The following CROCC variants were observed in gnomAD, a reference collection of about 807,000 sequenced individuals.
The protein encoded by CROCC is rootletin.
CROCC carries 180 observed loss-of-function variants against 245.2 expected under a neutral mutation model. That is an observed-to-expected ratio of 0.73 (90% confidence interval 0.65 to 0.83). The LOEUF (loss-of-function observed/expected upper bound fraction) is 0.83, where lower values mean the gene tolerates loss of function less well. CROCC is among the 40% of genes least tolerant of loss of function. The probability of loss-of-function intolerance (pLI) is 0.00; values close to 1 mark genes in which losing one functional copy is unlikely to be tolerated. For missense variants in CROCC, 2,688 were observed against 2,779.4 expected (o/e 0.97, Z 0.74); for synonymous variants, 1,205 against 1,241.6 (o/e 0.97, Z 0.62).
rs2075481290 is a variant in CROCC at position 16,924,361 on chromosome 1, C to CGCTGCAGGAGGAGAACCAGCT, written c.241_261dup (p.Glu81_Gln87dup). On this transcript the variant is annotated inframe_insertion, in exon 3 of 37. Transcript: ENST00000375541. ...GCCACAGAGATGGCATCGCTGCTGTCGCTGCAGGAGGAGAACCAGCTGCTG... is the reference window on the plus strand; with the variant it reads ...GCCACAGAGATGGCATCGCTGCTGTCGCTGCAGGAGGAGAACCAGCTGCTGCAGGAGGAGAACCAGCTGCTG... The CGCTGCAGGAGGAGAACCAGCT allele has an allele frequency of 1.2e-6, 2 of 1,613,066 alleles. No homozygotes were observed. The highest frequency in any genetic ancestry group is 1.1e-5 in the South Asian group (1 of 91,036).
chr1:16,948,993 G>A (rs2076114480), intron 19 of CROCC, 67 bp downstream of exon 19: 3 of 1,577,262 alleles, frequency 1.9e-6, no homozygotes, highest in Non-Finnish European at 2.6e-6. Flanking sequence ...CCCAAGGTCT[G>A]GGGTCTCACA....
Position 16,932,380 on chromosome 1 carries a change from C to T in CROCC, c.956+983C>T, listed in dbSNP as rs201453967. The stretch of plus-strand genomic sequence containing the variant: ...GCTTGAACCTGGGAGGCAGAGGTTG[C>T]GGTGAGCCGAGATCTCGCCATTGTA... On this transcript the variant is annotated intron_variant, in intron 8 of 36. Coordinates refer to ENST00000375541, the MANE Select transcript of CROCC (RefSeq NM_014675.5). Among the ~76,000 whole-genome samples, 11 of 152,308 alleles carry T rather than the reference C, an allele frequency of 7.2e-5. No individual in the cohort carries two copies. The East Asian group carries it at 1.9e-3, about 27-fold the overall frequency.
chr1:16,939,846 T>C, intron 12 of CROCC, 48 bp from the exon 13 acceptor site: 2 of 1,591,318 alleles, frequency 1.3e-6, no homozygotes, highest in Non-Finnish European at 1.7e-6. Flanking sequence ...TAGGTGGCTC[T>C]GGAGGCCTCT....
chr1:16,940,787 G>C lies in CROCC; in HGVS notation c.1808+694G>C, dbSNP rs947031571. ...TGTTTCCCAGGCTGGGGCACAATTG[G>C]TCCATCACAGCTCACTGTAACCTGG... On this transcript the variant is annotated intron_variant, in intron 13 of 36. Coordinates refer to ENST00000375541, the MANE Select transcript of CROCC (RefSeq NM_014675.5). 5 of 304,104 alleles carry C rather than the reference G, an allele frequency of 1.6e-5. No homozygotes were observed. The Admixed American group carries it at 1.8e-4, about 11-fold the overall frequency. The allele number at this position is 304,104 out of a possible 1,614,324, so 18.8% of individuals were successfully genotyped here.
rs1203418458 is a variant in CROCC, at chr1:16,931,317, G to A, written c.876G>A (p.Glu292=). The A allele has an allele frequency of 1.9e-6, 3 of 1,612,342 alleles. No homozygotes were observed. The highest frequency in any genetic ancestry group is 2.5e-6 in the Non-Finnish European group (3 of 1,178,766). ...CCTTCAACGCCTACTTCAGCAACGAGCACAGTCGCCTGCTCCTCCTCTGGA... is the reference window on the plus strand; with the variant it reads ...CCTTCAACGCCTACTTCAGCAACGAACACAGTCGCCTGCTCCTCCTCTGGA... ...EESFNAYFSN[E]HSRLLLLWRQ... Residue 292 remains glutamate (E), a synonymous_variant, in exon 8 of 37, where the codon GAG becomes GAA. Coordinates refer to ENST00000375541, the MANE Select transcript of CROCC (RefSeq NM_014675.5).
In CROCC at chr1:16,968,539, A is replaced by G. The variant is rs2076458900; in HGVS notation, c.5076+121A>G. 4.8e-6 allele frequency: 5 copies of G among 1,042,180 alleles called. No individual in the cohort carries two copies. The South Asian group carries it at 7.3e-5, about 15-fold the overall frequency. 64.6% of individuals were successfully genotyped at this position (1,042,180 alleles called of 1,614,324 possible). On this transcript the variant is annotated intron_variant, in intron 31 of 36. Coordinates refer to ENST00000375541, the MANE Select transcript of CROCC (RefSeq NM_014675.5). ...AGTATTACCCACATCCCCATTTCAC[A>G]GATGGACAAATGGAGGCTGAGAGGT... is the stretch of plus-strand genomic sequence containing the variant.
At chr1:16,946,714 G>C in intron 16 of CROCC, 47 bp from the exon 17 acceptor site, 2 of 1,531,808 alleles carry the variant, frequency 1.3e-6, no homozygotes, top group Non-Finnish European at 1.8e-6. Flanking sequence ...TCCTGGTCCT[G>C]GGAGGGACGC....
At chr1:16,918,990 G>A (rs1172276501), upstream of CROCC, among the ~76,000 whole-genome samples, 7 of 152,394 alleles carry the variant, frequency 4.6e-5, no homozygotes, top group Non-Finnish European at 1.0e-4. Flanking sequence ...ACCTGCCTCG[G>A]CATCCCAGTG....
chr1:16,965,614 G>T, intron 27 of CROCC, 109 bp from the exon 28 acceptor site: 1 of 833,428 alleles, frequency 1.2e-6, no homozygotes, highest in Non-Finnish European at 2.0e-6. Flanking sequence ...TAGCAGAGAA[G>T]TTGGGCTTGA....
intron 10 of CROCC, among the ~76,000 whole-genome samples, chr1:16,938,136 AC>A (rs1260048346): frequency 6.7e-6 from 1 of 150,096 alleles, no homozygotes; most frequent in African/African-American, 2.4e-5. Context: ...TGGTTTGGTC[AC>A]CCCTCTGTGT....
intron 19 of CROCC, among the ~76,000 whole-genome samples, chr1:16,950,208 T>G (rs1343259941): frequency 3.4e-5 from 5 of 146,836 alleles, no homozygotes; most frequent in African/African-American, 1.3e-4. Flanking sequence ...GGACTACATA[T>G]GCCCGCCACC....
chr1:16,971,686 G>A (rs1304537316), intron 36 of CROCC, 39 bp downstream of exon 36: 2 of 1,434,178 alleles, frequency 1.4e-6, no homozygotes, highest in Admixed American at 2.6e-5. Context: ...CAGGATGGAT[G>A]TGTGGGGCTG....
In CROCC at chr1:16,924,364, T is replaced by A. The variant is rs760580949; in HGVS notation, c.236T>A (p.Leu79Gln). ...PATEMASLLS[L>Q]QEENQLLQQE... Reference sequence around the variant, plus strand: ...ACAGAGATGGCATCGCTGCTGTCGCTGCAGGAGGAGAACCAGCTGCTGCAG... The same window carrying A: ...ACAGAGATGGCATCGCTGCTGTCGCAGCAGGAGGAGAACCAGCTGCTGCAG... The change falls in exon 3 of 37, where the codon CTG (leucine) becomes CAG (glutamine). Residue 79 changes from leucine (L) to glutamine (Q), a missense_variant. This residue lies in a region of CROCC where 972 missense variants were observed against 895.3 expected (regional missense o/e 1.09). Coordinates refer to ENST00000375541, the MANE Select transcript of CROCC (RefSeq NM_014675.5). 3.1e-6 allele frequency: 5 copies of A among 1,613,258 alleles called. No individual in the cohort carries two copies.
At chr1:16,965,970 G>A in intron 28 of CROCC, 29 bp from the exon 29 acceptor site, 1 of 1,608,310 alleles carries the variant, frequency 6.2e-7, no homozygotes, top group African/African-American at 1.3e-5. Flanking sequence ...GCAGGGGTCT[G>A]TCTTTGTTCC....
At chr1:16,953,088 G>T (rs2076189671) in intron 20 of CROCC, 1 of 563,818 alleles carries the variant, frequency 1.8e-6, no homozygotes, top group Admixed American at 3.0e-5. Flanking sequence ...AGGGGACCAT[G>T]TTCGGACCCC....
Position 16,946,392 on chromosome 1 carries a change from G to A in CROCC, c.2270G>A (p.Arg757His), listed in dbSNP as rs200913198. 1.9e-5 allele frequency: 31 copies of A among 1,611,710 alleles called. No individual in the cohort carries two copies. The highest frequency in any genetic ancestry group is 8.8e-5 in the South Asian group (8 of 90,898). The change falls in exon 16 of 37, where the codon CGC (arginine) becomes CAC (histidine). Residue 757 changes from arginine to histidine, a missense_variant. Arg to His is a conservative substitution (Grantham distance 29). Coordinates refer to ENST00000375541, the MANE Select transcript of CROCC (RefSeq NM_014675.5). Reference sequence around the variant, plus strand: ...GCTCAGGACAAGTTGGATCTGAACCGCCTTGTCGCCCAGGTACGCTGTGCA... The same window carrying A: ...GCTCAGGACAAGTTGGATCTGAACCACCTTGTCGCCCAGGTACGCTGTGCA... ...SLAQDKLDLN[R>H]LVAQLEEEKS... is the part of the protein sequence containing the mutation.
intron 13 of CROCC, among the ~76,000 whole-genome samples, chr1:16,942,844 A>G (rs1426747332): frequency 9.2e-5 from 14 of 152,268 alleles, no homozygotes; most frequent in Admixed American, 9.2e-4. Flanking sequence ...GGTGGCTCAC[A>G]CCTGTAATCC....
At chr1:16,964,175 C>T (rs1243894549) in intron 27 of CROCC, among the ~76,000 whole-genome samples, 25 of 145,368 alleles carry the variant, frequency 1.7e-4, no homozygotes, top group Admixed American at 1.5e-3. Context: ...CTCTCTGTTG[C>T]CCAGGCTGGA....
chr1:16,969,723 G>C, intron 32 of CROCC, 62 bp from the exon 33 acceptor site: 3 of 1,564,502 alleles, frequency 1.9e-6, no homozygotes, highest in Non-Finnish European at 2.6e-6. Context: ...CAGAGGTACA[G>C]AATAGAGAGG....
Sources: gnomAD v4.1 joint callset for allele counts (sites outside exome capture counted in the v4.1 genomes callset) on GRCh38, gnomAD v4.1.1 for gene constraint, gnomAD v4.1.1 regional missense constraint, MANE v1.5 for transcripts, NCBI Gene and HGNC (gene_info 2026-07-23, HGNC 2026-07-21) for gene names.